Variants in MRC1 observed in about 807,000 individuals in gnomAD.
The protein encoded by MRC1 is mannose receptor C-type 1.
MRC1 carries 62 observed loss-of-function variants against 102.9 expected under a neutral mutation model. The observed-to-expected ratio is 0.60, with a 90% CI of 0.49 to 0.74. MRC1 has a LOEUF of 0.74. Among genes scored for constraint, MRC1 ranks in the 30% least tolerant of loss-of-function variants. The pLI is 0.00. For synonymous variants in MRC1, 457 were observed against 298.4 expected, an observed-to-expected ratio of 1.53 and a Z score of -5.48; for missense variants, 1,237 against 862.8, an observed-to-expected ratio of 1.43 and a Z score of -5.43.
intron 7 of MRC1, among the ~76,000 whole-genome samples, chr10:17,851,047 A>C (rs1384454300): frequency 6.6e-6 from 1 of 152,240 alleles, no homozygotes; most frequent in Non-Finnish European, 1.5e-5. Flanking sequence ...ACAATTACTT[A>C]AATTTAGTGT....
chr10:17,886,099 G>T (rs891160971), intron 22 of MRC1, among the ~76,000 whole-genome samples: 4 of 152,142 alleles, frequency 2.6e-5, no homozygotes, highest in Non-Finnish European at 2.9e-5. Context: ...AGATAGGAAA[G>T]AAATGAACAT....
At chr10:17,831,115 C>T (rs975781187) in intron 3 of MRC1, among the ~76,000 whole-genome samples, 2 of 146,950 alleles carry the variant, frequency 1.4e-5, no homozygotes, top group African/African-American at 2.6e-5. Context: ...TCAGGCTGAT[C>T]GCGAACTCCT....
chr10:17,809,421 C>T lies in MRC1; in HGVS notation c.-45C>T. On this transcript the variant is annotated 5_prime_UTR_variant, in exon 1 of 30. Coordinates refer to ENST00000569591, the MANE Select transcript of MRC1 (RefSeq NM_002438.4). ...GGCCTCGTTGTTTTGCGTCTTAGTT[C>T]CGCCCTCCTGTCCATCAGGAGAAGG... 1 of 871,912 alleles carries T rather than the reference C, an allele frequency of 1.1e-6. No individual in the cohort carries two copies. Among genetic ancestry groups the T allele is most frequent in the Non-Finnish European group, 2.0e-6 (1 of 500,834 alleles). 54.0% of individuals were successfully genotyped at this position (871,912 alleles called of 1,614,324 possible).
At chr10:17,834,603 G>T (rs948542469) in intron 4 of MRC1, among the ~76,000 whole-genome samples, 2 of 152,088 alleles carry the variant, frequency 1.3e-5, no homozygotes, top group African/African-American at 4.8e-5. Context: ...TAGTAGAGAC[G>T]GGGTTTCACT....
rs926034070 is a variant in MRC1 at position 17,875,882 on chromosome 10, A to G, written c.2550+629A>G. Among the ~76,000 whole-genome samples, 1,064 of 152,348 alleles carry G rather than the reference A, an allele frequency of 7.0e-3. 11 individuals carry two copies. The highest frequency in any genetic ancestry group is 0.025 in the African/African-American group (1,019 of 41,568). On this transcript the variant is annotated intron_variant, in intron 17 of 29. Coordinates refer to ENST00000569591, the MANE Select transcript of MRC1 (RefSeq NM_002438.4). ...GTTGTACTAGCTTACATGCCCACCA[A>G]CAATGTAAAAATGTTTCCTTTTCAC...
intron 26 of MRC1, among the ~76,000 whole-genome samples, chr10:17,906,603 A>C (rs914123899): frequency 6.6e-6 from 1 of 152,158 alleles, no homozygotes; most frequent in Non-Finnish European, 1.5e-5. Flanking sequence ...CTGGCCACTG[A>C]ACCATAACTT....
At chr10:17,825,224 G>A (rs1483102860) in intron 2 of MRC1, among the ~76,000 whole-genome samples, 1 of 152,162 alleles carries the variant, frequency 6.6e-6, no homozygotes, top group Non-Finnish European at 1.5e-5. Context: ...GAGAACATGG[G>A]GGAGGGGTAG....
intron 22 of MRC1, among the ~76,000 whole-genome samples, chr10:17,888,299 G>A (rs1833628262): frequency 6.6e-6 from 1 of 152,154 alleles, no homozygotes; most frequent in East Asian, 1.9e-4. Context: ...TAGGGTGAGT[G>A]GAGAACTTTT....
At chr10:17,891,414 C>T (rs1217346146) in intron 22 of MRC1, among the ~76,000 whole-genome samples, 2 of 152,114 alleles carry the variant, frequency 1.3e-5, no homozygotes, top group Non-Finnish European at 2.9e-5. Flanking sequence ...GATCTGCCCG[C>T]CTCGGCCTCC....
At chr10:17,855,148 A>G (rs1032313589) in intron 8 of MRC1, among the ~76,000 whole-genome samples, 2 of 152,220 alleles carry the variant, frequency 1.3e-5, no homozygotes, top group Non-Finnish European at 2.9e-5. Context: ...AGAAATAGGA[A>G]GAAGGCAGAA....
At chr10:17,860,274 GT>G (rs35809277) in intron 9 of MRC1, among the ~76,000 whole-genome samples, 16,979 of 142,646 alleles carry the variant, frequency 0.12, 1,106 homozygotes, top group Non-Finnish European at 0.16. Flanking sequence ...TAGCATTTCT[GT>G]TTTTTTTTTT....
At chr10:17,838,269 G>A (rs1451050033) in intron 4 of MRC1, among the ~76,000 whole-genome samples, 3 of 152,092 alleles carry the variant, frequency 2.0e-5, no homozygotes, top group Non-Finnish European at 4.4e-5. Flanking sequence ...TTCCAGATTG[G>A]TGGTGATCTG....
chr10:17,897,494 A>T (rs1468956803), intron 23 of MRC1, among the ~76,000 whole-genome samples: 1 of 152,214 alleles, frequency 6.6e-6, no homozygotes, highest in Non-Finnish European at 1.5e-5. Flanking sequence ...ATCAAGGTTA[A>T]ACGAACCAGG....
At chr10:17,860,212 T>C (rs1833162442) in intron 9 of MRC1, among the ~76,000 whole-genome samples, 1 of 152,134 alleles carries the variant, frequency 6.6e-6, no homozygotes. Context: ...TTTTCCCCCT[T>C]CTTCTTCTCA....
intron 26 of MRC1, among the ~76,000 whole-genome samples, chr10:17,906,379 C>G (rs961957392): frequency 6.7e-6 from 1 of 148,760 alleles, no homozygotes; most frequent in African/African-American, 2.5e-5. Flanking sequence ...TGAAGAAGTT[C>G]TATGCTTCCC....
At position 17,823,254 on chromosome 10, in the gene MRC1, C is replaced by A. The variant is rs150078351; in HGVS notation, c.242C>A (p.Thr81Lys). The part of the protein sequence containing the change: ...FKLCLGVPSK[T>K]DWVAITLYAC... ...TTATGCCTGGGAGTGCCATCAAAAACGGACTGGGTTGCTATCACTCTCTAT... is the reference window on the plus strand; with the variant it reads ...TTATGCCTGGGAGTGCCATCAAAAAAGGACTGGGTTGCTATCACTCTCTAT... Residue 81 changes from threonine (T) to lysine (K), a missense_variant, in exon 2 of 30, where the codon ACG (threonine) becomes AAG (lysine). Physicochemically the swap from Thr to Lys is moderately conservative, Grantham distance 78. Coordinates refer to ENST00000569591, the MANE Select transcript of MRC1 (RefSeq NM_002438.4). 1 of 780,404 alleles carries A rather than the reference C, an allele frequency of 1.3e-6. No individual in the cohort carries two copies. Among genetic ancestry groups the A allele is most frequent in the African/African-American group, 1.7e-5 (1 of 59,104 alleles). 48.3% of individuals were successfully genotyped at this position (780,404 alleles called of 1,614,324 possible). A position where few individuals can be genotyped will look rare whatever the true frequency, so the allele number is the denominator to read the frequency against.
rs945124207 is a variant in MRC1, at chr10:17,881,661, C to A, written c.2980+480C>A. ...TGATATTTTAAATATGAACTTTGAA[C>A]AAATTTTGATTTTTTTTTTTTTTTT... On this transcript the variant is annotated intron_variant, in intron 21 of 29. Coordinates refer to ENST00000569591, the MANE Select transcript of MRC1 (RefSeq NM_002438.4). Among the ~76,000 whole-genome samples the A allele has an allele frequency of 2.2e-3, 284 of 126,526 alleles. 1 individual carries two copies. Among genetic ancestry groups the A allele is most frequent in the African/African-American group, 7.5e-3 (254 of 33,676 alleles). 83.0% of individuals were successfully genotyped at this position (126,526 alleles called of 152,430 possible).
chr10:17,834,956 T>C (rs1838640817), intron 4 of MRC1, among the ~76,000 whole-genome samples: 1 of 152,190 alleles, frequency 6.6e-6, no homozygotes, highest in East Asian at 1.9e-4. Flanking sequence ...CTCCTATGAC[T>C]GCCATGTTCA....
At chr10:17,896,819 G>C (rs1319391592) in intron 23 of MRC1, among the ~76,000 whole-genome samples, 1 of 152,270 alleles carries the variant, frequency 6.6e-6, no homozygotes, top group African/African-American at 2.4e-5. Flanking sequence ...TGGCACTTCT[G>C]TAGTGAAGGA....
Sources: allele counts gnomAD v4.1 joint callset (sites outside exome capture counted in the v4.1 genomes callset), GRCh38; gene constraint gnomAD v4.1.1; transcripts MANE v1.5; gene names NCBI Gene and HGNC (gene_info 2026-07-23, HGNC 2026-07-21).